The following SPATA13 variants were observed in gnomAD, a reference collection of about 807,000 sequenced individuals.
SPATA13 encodes the protein spermatogenesis-associated protein 13.
In SPATA13, 50 loss-of-function variants were observed where a neutral mutation model predicts 104.0. That is an observed-to-expected ratio of 0.48 (90% CI 0.38 to 0.61). The LOEUF (loss-of-function observed/expected upper bound fraction) is 0.61, where lower values mean the gene tolerates loss of function less well. Ranked by LOEUF, SPATA13 falls within the 20% of genes least tolerant of loss-of-function variation. The pLI is 0.00. For missense variants in SPATA13, 1,524 were observed against 1,690.6 expected (o/e 0.90, Z 1.73); for synonymous variants, 606 against 667.5 (o/e 0.91, Z 1.42).
intron 3 of SPATA13, among the ~76,000 whole-genome samples, chr13:24,152,328 T>C (rs1882121381): frequency 6.6e-6 from 1 of 152,200 alleles, no homozygotes; most frequent in South Asian, 2.1e-4. Context: ...GCTTTCTGAC[T>C]CTAGCACAAG....
At chr13:24,012,649 C>T (rs529954851) in intron 2 of SPATA13, among the ~76,000 whole-genome samples, 1 of 152,244 alleles carries the variant, frequency 6.6e-6, no homozygotes, top group Admixed American at 6.5e-5. Context: ...CCCTCCCCGT[C>T]TTCCGCAGCC....
intron 2 of SPATA13, among the ~76,000 whole-genome samples, chr13:23,984,792 G>A (rs185633708): frequency 8.5e-5 from 13 of 152,328 alleles, no homozygotes; most frequent in Middle Eastern, 3.4e-3. Context: ...AAAAAAGACT[G>A]CCTATTTCTG....
At chr13:24,001,227 G>A (rs117884848) in intron 2 of SPATA13, among the ~76,000 whole-genome samples, 115 of 152,246 alleles carry the variant, frequency 7.6e-4, no homozygotes, top group East Asian at 1.3e-3. Flanking sequence ...ACAAGAACAC[G>A]GGGGAAAGTA....
At position 24,202,520 on chromosome 13, in the gene SPATA13, C is replaced by CT. The variant is rs10608738; in HGVS notation, c.-111-20276dup. 6.1e-3 allele frequency among the ~76,000 whole-genome samples: 538 copies of CT among 88,322 alleles called. 4 individuals are homozygous for CT. Among genetic ancestry groups the CT allele is most frequent in the African/African-American group, 0.013 (304 of 24,034 alleles). 57.9% of individuals were successfully genotyped at this position (88,322 alleles called of 152,430 possible). ...AGACCTGTTTGCTTTCTTTCTTTCC[C>CT]TTTTTTTTTTTTTTTTTTTTTTTAG... On this transcript the variant is annotated intron_variant, in intron 1 of 12. Transcript: ENST00000382108.
chr13:24,223,136 A>C lies in SPATA13; in HGVS notation c.207A>C (p.Pro69=), dbSNP rs754796685. 9.0e-6 allele frequency: 14 copies of C among 1,551,708 alleles called. No homozygotes were observed. Among genetic ancestry groups the C allele is most frequent in the Non-Finnish European group, 1.2e-5 (14 of 1,147,004 alleles). The change falls in exon 2 of 13, where the codon CCA becomes CCC. Residue 69 remains proline, a synonymous_variant. Coordinates refer to ENST00000382108, the MANE Select transcript of SPATA13 (RefSeq NM_001166271.3). The part of the protein sequence containing the change: ...DTDTQEAKLS[P]AKLVRLFSTS... Reference sequence around the variant, plus strand: ...ACACCCAGGAAGCCAAACTCAGCCCAGCCAAGCTTGTGCGCCTCTTTTCCA... The same window carrying C: ...ACACCCAGGAAGCCAAACTCAGCCCCGCCAAGCTTGTGCGCCTCTTTTCCA...
intron 3 of SPATA13, among the ~76,000 whole-genome samples, chr13:24,044,233 CTTTTT>C (rs67709070): frequency 3.3e-5 from 4 of 123,010 alleles, no homozygotes; most frequent in Non-Finnish European, 4.9e-5. Context: ...TTCTTTCTTT[CTTTTT>C]TTTTTTTTTT....
intron 4 of SPATA13, among the ~76,000 whole-genome samples, chr13:24,262,561 C>A (rs1325640396): frequency 6.6e-6 from 1 of 152,150 alleles, no homozygotes; most frequent in African/African-American, 2.4e-5. Flanking sequence ...TATTAACAGA[C>A]CTTTGGGTCA....
Position 24,189,839 on chromosome 13 carries a change from T to TACA in SPATA13, c.-112+28907_-112+28908insACA, listed in dbSNP as rs1382988625. ...ATTATAAATATATATAAAATGATATTTAATATATTATATTAATATATCATA... is the reference window on the plus strand; with the variant it reads ...ATTATAAATATATATAAAATGATATTACATAATATATTATATTAATATATCATA... On this transcript the variant is annotated intron_variant, in intron 1 of 12. Transcript: ENST00000382108. Among the ~76,000 whole-genome samples, 7 of 30,434 alleles carry TACA rather than the reference T, an allele frequency of 2.3e-4. 2 individuals carry two copies. The highest frequency in any genetic ancestry group is 3.4e-4 in the Non-Finnish European group (3 of 8,730). 20.0% of individuals were successfully genotyped at this position (30,434 alleles called of 152,430 possible). A position where few individuals can be genotyped will look rare whatever the true frequency, so the allele number is the denominator to read the frequency against.
chr13:24,290,277 A>C (rs1464291973), intron 8 of SPATA13, among the ~76,000 whole-genome samples: 1 of 152,234 alleles, frequency 6.6e-6, no homozygotes, highest in African/African-American at 2.4e-5. Context: ...ATAAGCAACG[A>C]TTAAAACTGC....
Position 23,993,030 on chromosome 13 carries a change from G to C in SPATA13, c.-147+9097G>C, listed in dbSNP as rs896123757. Among the ~76,000 whole-genome samples, 5 of 152,214 alleles carry C rather than the reference G, an allele frequency of 3.3e-5. No homozygotes were observed. In the South Asian group the frequency reaches 1.0e-3, roughly 32 times the overall value. On this transcript the variant is annotated intron_variant, in intron 2 of 14. Coordinates refer to the SPATA13 transcript ENST00000424834. ...ACATGCTCTGGGCATCATATTATGT[G>C]CCTGGGCTCGGTCCAGGCTGCTGTG...
In SPATA13 at chr13:24,011,507, C is replaced by T. The variant is rs960291305; in HGVS notation, c.-146-6160C>T. On this transcript the variant is annotated intron_variant, in intron 2 of 14. Coordinates refer to the SPATA13 transcript ENST00000424834. The surrounding 1 kb of genome is among the most constrained non-coding windows in gnomAD (Gnocchi z 4.3). ...AGGACAGAACCTGGAATTCTGTTGCCACGCTCCCTGTCCTGGCTGGCTGAT... is the reference window on the plus strand; with the variant it reads ...AGGACAGAACCTGGAATTCTGTTGCTACGCTCCCTGTCCTGGCTGGCTGAT... 6.6e-6 allele frequency among the ~76,000 whole-genome samples: 1 copy of T among 152,150 alleles called. No individual in the cohort carries two copies. The highest frequency in any genetic ancestry group is 2.4e-5 in the African/African-American group (1 of 41,438).
rs1438626405 is a variant in SPATA13 at position 24,161,244 on chromosome 13, C to T, written c.-112+312C>T. The stretch of plus-strand genomic sequence containing the variant: ...AGCCGGAAGCCTGCAGGGAGGTCGC[C>T]TTGTAACTTCACCCGCGCTCCCAGC... On this transcript the variant is annotated intron_variant, in intron 1 of 12. Coordinates refer to ENST00000382108, the MANE Select transcript of SPATA13 (RefSeq NM_001166271.3). The surrounding 1 kb of genome is among the most constrained non-coding windows in gnomAD (Gnocchi z 4.5). Among the ~76,000 whole-genome samples the T allele has an allele frequency of 1.3e-5, 2 of 152,124 alleles. No individual in the cohort carries two copies. The highest frequency in any genetic ancestry group is 4.8e-5 in the African/African-American group (2 of 41,416).
chr13:24,010,749 A>G (rs1002626611), intron 2 of SPATA13, among the ~76,000 whole-genome samples: 2 of 151,376 alleles, frequency 1.3e-5, no homozygotes, highest in African/African-American at 4.9e-5. Context: ...GGGGCAATTC[A>G]CCCAAGGCCT....
At chr13:24,064,774 A>G (rs375522737) in intron 3 of SPATA13, among the ~76,000 whole-genome samples, 3 of 152,218 alleles carry the variant, frequency 2.0e-5, no homozygotes, top group Non-Finnish European at 4.4e-5. Context: ...ATGAAGGTCA[A>G]TACCACCACT....
At position 24,160,731 on chromosome 13, in the gene SPATA13, C is replaced by A. The variant is rs1246749750; in HGVS notation, c.-313C>A. The A allele has an allele frequency of 4.1e-6, 4 of 985,500 alleles. No homozygotes were observed. The highest frequency in any genetic ancestry group is 1.1e-4 in the East Asian group (1 of 8,792). 61.0% of individuals were successfully genotyped at this position (985,500 alleles called of 1,614,324 possible). A position where few individuals can be genotyped will look rare whatever the true frequency, so the allele number is the denominator to read the frequency against. On this transcript the variant is annotated 5_prime_UTR_variant, in exon 1 of 13. Transcript: ENST00000382108. ...GGCGTGGCTTGGCTGAGTGTGCTGCCGCGGCGCGGGAGGAGAGTGTGCGTT... is the reference window on the plus strand; with the variant it reads ...GGCGTGGCTTGGCTGAGTGTGCTGCAGCGGCGCGGGAGGAGAGTGTGCGTT...
At chr13:24,206,972 A>G (rs1870737904) in intron 1 of SPATA13, among the ~76,000 whole-genome samples, 1 of 152,178 alleles carries the variant, frequency 6.6e-6, no homozygotes, top group African/African-American at 2.4e-5. Flanking sequence ...ACCAACCTAA[A>G]TGCTCATCAG....
intron 2 of SPATA13, among the ~76,000 whole-genome samples, chr13:24,234,370 G>A (rs1872457108): frequency 1.3e-5 from 2 of 152,104 alleles, no homozygotes; most frequent in South Asian, 4.1e-4. Context: ...TCTTCAGAGG[G>A]GGAATTTTAG....
rs764821255 is a variant in SPATA13 at position 24,294,764 on chromosome 13, T to C, written c.3106T>C (p.Tyr1036His). The change falls in exon 10 of 13, where the codon TAT becomes CAT. Residue 1036 changes from tyrosine (Y) to histidine (H), a missense_variant. By Grantham distance (83) the Tyr-to-His change is moderately conservative (BLOSUM62 2). Coordinates refer to ENST00000382108, the MANE Select transcript of SPATA13 (RefSeq NM_001166271.3). ...TGATTACAGCAACATAAAGGCAGCA[T>C]ATGAGGCCATGAAGAATGTGGCCTG... ...HGDYSNIKAA[Y>H]EAMKNVACLI... is the part of the protein sequence containing the mutation. 1 of 1,603,712 alleles carries C rather than the reference T, an allele frequency of 6.2e-7. No homozygotes were observed. The highest frequency in any genetic ancestry group is 8.5e-7 in the Non-Finnish European group (1 of 1,171,214).
chr13:24,165,641 G>A (rs570997534), intron 1 of SPATA13, among the ~76,000 whole-genome samples: 12 of 152,096 alleles, frequency 7.9e-5, no homozygotes, highest in Non-Finnish European at 1.6e-4. Flanking sequence ...TCACTGTCTG[G>A]GACAGATGCA....
Sources: allele counts gnomAD v4.1 joint callset (sites outside exome capture counted in the v4.1 genomes callset), GRCh38; gene constraint gnomAD v4.1.1; non-coding constraint Gnocchi (gnomAD v3.1); transcripts MANE v1.5; gene names NCBI Gene and HGNC (gene_info 2026-07-23, HGNC 2026-07-21).